Variants in NAV2 observed in about 807,000 individuals in gnomAD.
NAV2 encodes neuron navigator 2, also known as helicase, APC down-regulated 1.
A neutral mutation model predicts 223.2 loss-of-function variants in NAV2; 54 were observed. The ratio of observed to expected loss-of-function variants is 0.24; its 90% confidence interval spans 0.19 to 0.30. The LOEUF (loss-of-function observed/expected upper bound fraction) is 0.30. Ranked by LOEUF, NAV2 falls within the 10% of genes least tolerant of loss-of-function variation. NAV2 has a pLI of 1.00. For synonymous variants in NAV2, 1,279 were observed against 1,239.3 expected, an observed-to-expected ratio of 1.03 and a Z score of -0.67; for missense variants, 2,806 against 3,147.5, an observed-to-expected ratio of 0.89 and a Z score of 2.60.
intron 1 of NAV2, among the ~76,000 whole-genome samples, chr11:19,766,263 T>C (rs1390670598): frequency 6.6e-6 from 1 of 152,082 alleles, no homozygotes; most frequent in Non-Finnish European, 1.5e-5. Context: ...CAAAGAGGAA[T>C]CGGATGAAGG....
chr11:19,691,361 G>A (rs2049169255), intron 1 of NAV2, among the ~76,000 whole-genome samples: 1 of 151,906 alleles, frequency 6.6e-6, no homozygotes, highest in Non-Finnish European at 1.5e-5. Context: ...AATTATTAAT[G>A]AGATTTCTCA....
At chr11:19,819,568 T>C (rs928195747) in intron 1 of NAV2, among the ~76,000 whole-genome samples, 1 of 152,056 alleles carries the variant, frequency 6.6e-6, no homozygotes, top group Non-Finnish European at 1.5e-5. Context: ...AACCTGCCCA[T>C]AGGGACTGAG....
chr11:19,623,073 A>T (rs992383777), intron 1 of NAV2, among the ~76,000 whole-genome samples: 17 of 152,190 alleles, frequency 1.1e-4, no homozygotes, highest in Admixed American at 1.1e-3. Context: ...TCTTTTCTTT[A>T]AGAATATTGA....
chr11:20,034,368 T>TG (rs1324349817), intron 11 of NAV2, among the ~76,000 whole-genome samples: 5 of 106,472 alleles, frequency 4.7e-5, no homozygotes, highest in African/African-American at 1.5e-4. Context: ...TTTTGTTTTT[T>TG]TTTTTTTTTT....
intron 1 of NAV2, among the ~76,000 whole-genome samples, chr11:19,613,468 C>T (rs1455584495): frequency 6.6e-6 from 1 of 152,192 alleles, no homozygotes; most frequent in African/African-American, 2.4e-5. Context: ...CCTTGGCACC[C>T]CAGGCTGGAA....
Position 20,056,545 on chromosome 11 carries a change from G to A in NAV2, c.4831+588G>A, listed in dbSNP as rs909932292. ...TTTTAATCAGAATCATGGGAGAAAA[G>A]TTCTGTGGACAACTTTGTCAGCCGT... On this transcript the variant is annotated intron_variant, in intron 19 of 37. Transcript: ENST00000349880. 1.7e-5 allele frequency: 28 copies of A among 1,612,726 alleles called. No homozygotes were observed. In the Admixed American group the frequency reaches 4.7e-4, roughly 27 times the overall value.
At chr11:19,735,707 G>A (rs1345096847) in intron 1 of NAV2, among the ~76,000 whole-genome samples, 1 of 152,246 alleles carries the variant, frequency 6.6e-6, no homozygotes, top group Admixed American at 6.5e-5. Flanking sequence ...CGACAGCCCA[G>A]GAGGTTTGCA....
chr11:20,040,252 A>G (rs539120188), intron 12 of NAV2, among the ~76,000 whole-genome samples: 3 of 152,306 alleles, frequency 2.0e-5, no homozygotes, highest in South Asian at 4.2e-4. Context: ...GTGGCAGAAG[A>G]GACAAGTACC....
At chr11:19,395,201 G>C (rs549235345) in intron 1 of NAV2, among the ~76,000 whole-genome samples, 1 of 152,234 alleles carries the variant, frequency 6.6e-6, no homozygotes, top group African/African-American at 2.4e-5. Context: ...ACACCTGAGT[G>C]GGCGCATGCT....
intron 11 of NAV2, among the ~76,000 whole-genome samples, chr11:19,990,277 G>A (rs2051196194): frequency 6.6e-6 from 1 of 152,174 alleles, no homozygotes. Flanking sequence ...TTAGTTGAGG[G>A]AGGAGCCTGC....
At chr11:20,003,117 T>C (rs1230641212) in intron 11 of NAV2, among the ~76,000 whole-genome samples, 2 of 152,170 alleles carry the variant, frequency 1.3e-5, no homozygotes, top group Non-Finnish European at 2.9e-5. Flanking sequence ...AGACCTTTCC[T>C]GCACCCTGGG....
At chr11:19,877,421 T>G (rs2062906394) in intron 4 of NAV2, among the ~76,000 whole-genome samples, 2 of 151,486 alleles carry the variant, frequency 1.3e-5, no homozygotes, top group South Asian at 2.1e-4. Flanking sequence ...TTTCTTAACT[T>G]TAATAGACAC....
intron 35 of NAV2, among the ~76,000 whole-genome samples, chr11:20,106,770 G>A (rs910546337): frequency 1.2e-3 from 177 of 151,082 alleles, no homozygotes; most frequent in Non-Finnish European, 5.0e-4. Flanking sequence ...GGCCTCCCAA[G>A]TAGCTGGGAT....
chr11:19,455,215 C>T (rs1391715955), intron 1 of NAV2, among the ~76,000 whole-genome samples: 1 of 151,798 alleles, frequency 6.6e-6, no homozygotes, highest in Non-Finnish European at 1.5e-5. Context: ...TGGAAGACAC[C>T]AAAAGAGTTT....
intron 1 of NAV2, among the ~76,000 whole-genome samples, chr11:19,465,228 G>A (rs950789567): frequency 2.8e-4 from 42 of 152,184 alleles, no homozygotes; most frequent in Admixed American, 1.3e-3. Flanking sequence ...TGTCGGCGTG[G>A]ATGGGAAGGG....
chr11:19,588,968 C>G (rs1344420946), intron 1 of NAV2, among the ~76,000 whole-genome samples: 2 of 152,202 alleles, frequency 1.3e-5, no homozygotes, highest in East Asian at 3.9e-4. Context: ...TCCTAGGCCT[C>G]TGGGATGCCT....
At chr11:19,997,507 T>G (rs191207875) in intron 11 of NAV2, among the ~76,000 whole-genome samples, 6 of 152,312 alleles carry the variant, frequency 3.9e-5, no homozygotes, top group Admixed American at 2.0e-4. Context: ...ACAATTTTCA[T>G]TCACTGAGCA....
At chr11:19,697,995 A>T (rs1253261596) in intron 1 of NAV2, among the ~76,000 whole-genome samples, 4 of 152,112 alleles carry the variant, frequency 2.6e-5, no homozygotes, top group Admixed American at 1.3e-4. Flanking sequence ...GCCCACTCAG[A>T]TCATCAAGCC....
intron 1 of NAV2, among the ~76,000 whole-genome samples, chr11:19,548,237 C>A (rs2134614632): frequency 6.6e-6 from 1 of 152,286 alleles, no homozygotes; most frequent in African/African-American, 2.4e-5. Context: ...ACAATGAAAG[C>A]AAAACCCTGA....
Sources: gnomAD v4.1 joint callset for allele counts (sites outside exome capture counted in the v4.1 genomes callset) on GRCh38, gnomAD v4.1.1 for gene constraint, MANE v1.5 for transcripts, NCBI Gene and HGNC (gene_info 2026-07-23, HGNC 2026-07-21) for gene names.